CHRNB4: variants seen among roughly 807,000 people sequenced by gnomAD.
The protein encoded by CHRNB4 is cholinergic receptor nicotinic beta 4 subunit.
In CHRNB4, 23 loss-of-function variants were observed where a neutral mutation model predicts 40.4. The observed-to-expected ratio is 0.57, with a 90% CI of 0.41 to 0.81. The LOEUF is 0.81. Ranked by LOEUF, CHRNB4 falls within the 30% of genes least tolerant of loss-of-function variation. The pLI is 0.00. For missense variants in CHRNB4, 568 were observed against 670.6 expected, an observed-to-expected ratio of 0.85 and a Z score of 1.69; for synonymous variants, 285 against 274.4, an observed-to-expected ratio of 1.04 and a Z score of -0.38.
Position 78,635,475 on chromosome 15 carries a change from G to A in CHRNB4, c.168C>T (p.Ile56=), listed in dbSNP as rs1259779853. 6.2e-7 allele frequency: 1 copy of A among 1,614,052 alleles called. No homozygotes were observed. Among genetic ancestry groups the A allele is most frequent in the Non-Finnish European group, 8.5e-7 (1 of 1,180,042 alleles). The change falls in exon 2 of 6, where the codon ATC becomes ATT. Residue 56 remains isoleucine, a synonymous_variant. Transcript: ENST00000261751. ...PATSSSQLIS[I]KLQLSLAQLI... ...GCTGGGCCAGGGAGAGCTGCAGCTT[G>A]ATGGAGATGAGCTGTGAGGAGCTGG...
At chr15:78,630,143 C>CTTTT (rs34925790) in intron 4 of CHRNB4, among the ~76,000 whole-genome samples, 198 bp from the exon 5 acceptor site, 1 of 143,196 alleles carries the variant, frequency 7.0e-6, no homozygotes, top group African/African-American at 2.6e-5. Flanking sequence ...AAGCACCCCC[C>CTTTT]TTTTTTTTTT....
At position 78,625,287 on chromosome 15, in the gene CHRNB4, A is replaced by G. The variant is rs746958651; in HGVS notation, c.1343T>C (p.Val448Ala). The G allele has an allele frequency of 2.0e-6, 3 of 1,533,586 alleles. No homozygotes were observed. The highest frequency in any genetic ancestry group is 3.5e-4 in the Middle Eastern group (2 of 5,650). 95.0% of individuals were successfully genotyped at this position (1,533,586 alleles called of 1,614,324 possible). A position where few individuals can be genotyped will look rare whatever the true frequency, so the allele number is the denominator to read the frequency against. Residue 448 changes from valine (V) to alanine (A), a missense_variant, in exon 6 of 6, where the codon GTT becomes GCT. By Grantham distance (64) the Val-to-Ala change is moderately conservative. Around this residue, in one of 4 missense-constraint regions of CHRNB4, gnomAD observed 242 missense variants for 274.9 expected, o/e 0.88. Transcript: ENST00000261751. ...MKNDDEDQSVVEDWKYVAMVV... is the reference protein window; with the variant it reads ...MKNDDEDQSVAEDWKYVAMVV... ...CATAGCCACGTACTTCCAGTCCTCA[A>G]CGACCTGCAGGCAGACAGAGGAGTT...
At chr15:78,647,565 A>AG (rs2054133014) in intron 7 of CHRNB4, among the ~76,000 whole-genome samples, 1 of 151,710 alleles carries the variant, frequency 6.6e-6, no homozygotes, top group Non-Finnish European at 1.5e-5. Flanking sequence ...AAAGAGATTC[A>AG]GCCGGGTGCA....
intron 1 of CHRNB4, among the ~76,000 whole-genome samples, chr15:78,658,882 C>T (rs1244981431): frequency 6.6e-6 from 1 of 152,146 alleles, no homozygotes; most frequent in Non-Finnish European, 1.5e-5. Flanking sequence ...GCCTGAAAAC[C>T]TCTGTTATAA....
Position 78,638,282 on chromosome 15 carries a change from C to T in CHRNB4, c.56-2695G>A, listed in dbSNP as rs370212391. 3.3e-5 allele frequency among the ~76,000 whole-genome samples: 5 copies of T among 152,366 alleles called. No individual in the cohort carries two copies. In the East Asian group the frequency reaches 7.7e-4, roughly 24 times the overall value. On this transcript the variant is annotated intron_variant, in intron 1 of 5. Transcript: ENST00000261751. ...GGGCCTGTCCTGCCTCTCAGGCATTCAGCTGACCCGGAGGGACTCCCCCAT... is the reference window on the plus strand; with the variant it reads ...GGGCCTGTCCTGCCTCTCAGGCATTTAGCTGACCCGGAGGGACTCCCCCAT...
intron 1 of CHRNB4, among the ~76,000 whole-genome samples, chr15:78,636,535 G>A (rs553556930): frequency 6.6e-6 from 1 of 151,624 alleles, no homozygotes; most frequent in Admixed American, 6.6e-5. Flanking sequence ...CAGATACTCA[G>A]ATACTCTCTC....
intron 5 of CHRNB4, among the ~76,000 whole-genome samples, chr15:78,654,103 T>TGCCAG (rs1309312467): frequency 5.9e-5 from 9 of 152,160 alleles, no homozygotes; most frequent in African/African-American, 1.9e-4. Context: ...CCCAGATCTG[T>TGCCAG]GCCAGGCCAT....
chr15:78,654,880 C>G (rs1483772012), intron 5 of CHRNB4, among the ~76,000 whole-genome samples: 1 of 152,212 alleles, frequency 6.6e-6, no homozygotes, highest in Non-Finnish European at 1.5e-5. Context: ...GGTCCCCACC[C>G]TCCCAAATGG....
intron 2 of CHRNB4, among the ~76,000 whole-genome samples, chr15:78,632,621 T>G (rs867696883): frequency 6.6e-6 from 1 of 152,110 alleles, no homozygotes; most frequent in South Asian, 2.1e-4. Flanking sequence ...TCCTTATTTT[T>G]TTTTCGTAGC....
rs539156465 is a variant in CHRNB4, at chr15:78,625,033, C to T, written c.*100G>A. 1 of 1,604,034 alleles carries T rather than the reference C, an allele frequency of 6.2e-7. No homozygotes were observed. The highest frequency in any genetic ancestry group is 1.1e-5 in the South Asian group (1 of 91,074). ...TTTGATGGGGTTGATGGCCAATGCT[C>T]ACATATTTACTTAGGGCCTCATCAG... is the stretch of plus-strand genomic sequence containing the variant. On this transcript the variant is annotated 3_prime_UTR_variant, in exon 6 of 6. Coordinates refer to ENST00000261751, the MANE Select transcript of CHRNB4 (RefSeq NM_000750.5).
At chr15:78,638,638 G>A (rs2054006840) in intron 1 of CHRNB4, among the ~76,000 whole-genome samples, 1 of 152,130 alleles carries the variant, frequency 6.6e-6, no homozygotes, top group African/African-American at 2.4e-5. Context: ...CGGGGGGGTG[G>A]TGCACTGAAG....
chr15:78,632,282 CCTTTCTTTCTTT>C (rs2053849280), intron 2 of CHRNB4, among the ~76,000 whole-genome samples: 1 of 137,236 alleles, frequency 7.3e-6, no homozygotes, highest in African/African-American at 2.7e-5. Flanking sequence ...TTTCTTTCTC[CCTTTCTTTCTTT>C]TCTTTCGTGT....
At chr15:78,650,413 C>T (rs1038936563) in intron 6 of CHRNB4, among the ~76,000 whole-genome samples, 23 of 152,120 alleles carry the variant, frequency 1.5e-4, no homozygotes, top group Non-Finnish European at 4.4e-5. Flanking sequence ...TTTCCTGGGC[C>T]CAGGGTTTGT....
In CHRNB4 at chr15:78,624,225, C is replaced by CA. The variant is rs71532872; in HGVS notation, c.*907_*908insT. The CA allele has an allele frequency of 0.024, 3,667 of 152,394 alleles. 162 individuals carry two copies. Among genetic ancestry groups the CA allele is most frequent in the African/African-American group, 0.083 (3,467 of 41,538 alleles). The allele number at this position is 152,394 out of a possible 1,614,324, so 9.4% of individuals were successfully genotyped here. On this transcript the variant is annotated 3_prime_UTR_variant, in exon 6 of 6. Coordinates refer to ENST00000261751, the MANE Select transcript of CHRNB4 (RefSeq NM_000750.5). ...TCCCTGTTCTCATGGAGCTCACACT[C>CA]TAGTGGGTGAGCTGTGGATGACATA... is the stretch of plus-strand genomic sequence containing the variant.
rs149017618 is a variant in CHRNB4, at chr15:78,635,447, T to A, written c.196A>T (p.Ile66Phe). Residue 66 changes from isoleucine to phenylalanine, a missense_variant, in exon 2 of 6, where the codon ATC becomes TTC. By Grantham distance (21) the Ile-to-Phe change is conservative. Coordinates refer to ENST00000261751, the MANE Select transcript of CHRNB4 (RefSeq NM_000750.5). ...CTGCCCTCTGCACCTACCACGCTGA[T>A]AAGCTGGGCCAGGGAGAGCTGCAGC... ...IKLQLSLAQL[I>F]SVNEREQIMT... The A allele has an allele frequency of 6.4e-5, 104 of 1,613,940 alleles. No individual in the cohort carries two copies. The African/African-American group carries it at 1.3e-3, about 19-fold the overall frequency.
At chr15:78,659,556 G>A (rs2054237128) in intron 1 of CHRNB4, among the ~76,000 whole-genome samples, 1 of 152,186 alleles carries the variant, frequency 6.6e-6, no homozygotes, top group African/African-American at 2.4e-5. Context: ...CTCTGAGGAG[G>A]TGACATTTGA....
At chr15:78,646,264 T>TG (rs1432320117) in intron 7 of CHRNB4, among the ~76,000 whole-genome samples, 1 of 151,976 alleles carries the variant, frequency 6.6e-6, no homozygotes, top group Non-Finnish European at 1.5e-5. Flanking sequence ...TGTAGATCAT[T>TG]GGGGAAAGGA....
chr15:78,641,380 C>T, upstream of CHRNB4: 3 of 452,070 alleles, frequency 6.6e-6, no homozygotes, highest in Admixed American at 4.5e-5. Flanking sequence ...CCTATCTCTT[C>T]GGGCCTCGCA....
At chr15:78,656,631 A>G (rs1596126525) in exon 4 of CHRNB4, 1 of 152,246 alleles carries the variant, frequency 6.6e-6, no homozygotes, top group East Asian at 1.9e-4. Flanking sequence ...GCACCCAGAT[A>G]TACAGGGAAT....
Sources: gnomAD v4.1 joint callset for allele counts (sites outside exome capture counted in the v4.1 genomes callset) on GRCh38, gnomAD v4.1.1 for gene constraint, gnomAD v4.1.1 regional missense constraint, MANE v1.5 for transcripts, NCBI Gene and HGNC (gene_info 2026-07-23, HGNC 2026-07-21) for gene names.